Variants in PPM1B observed in about 807,000 individuals in gnomAD.
PPM1B encodes the protein protein phosphatase, Mg2+/Mn2+ dependent 1B.
In PPM1B, 22 loss-of-function variants were observed where a neutral mutation model predicts 43.0. That is an observed-to-expected ratio of 0.51 (90% CI 0.37 to 0.73). The LOEUF (loss-of-function observed/expected upper bound fraction) is 0.73, where lower values mean the gene tolerates loss of function less well. Among genes scored for constraint, PPM1B ranks in the 30% least tolerant of loss-of-function variants. The pLI is 0.00. For synonymous variants in PPM1B, 217 were observed against 197.9 expected (o/e 1.10, Z -0.81); for missense variants, 632 against 584.2 (o/e 1.08, Z -0.84).
At chr2:44,195,726 G>A (rs888402408) in intron 1 of PPM1B, among the ~76,000 whole-genome samples, 1 of 152,206 alleles carries the variant, frequency 6.6e-6, no homozygotes, top group African/African-American at 2.4e-5. Flanking sequence ...CTTCTCCTTT[G>A]AGTGGTGGGG....
rs529514789 is a variant in PPM1B, at chr2:44,175,322, A to C, written c.-15+6048A>C. ...ACTCCAAATGTTAAGATTATATAGGAGATTTTGTTGAGCTTTGGGAGGCTT... is the reference window on the plus strand; with the variant it reads ...ACTCCAAATGTTAAGATTATATAGGCGATTTTGTTGAGCTTTGGGAGGCTT... On this transcript the variant is annotated intron_variant, in intron 1 of 5. Transcript: ENST00000282412. Among the ~76,000 whole-genome samples the C allele has an allele frequency of 2.0e-5, 3 of 152,148 alleles. No homozygotes were observed. The South Asian group carries it at 6.2e-4, about 32-fold the overall frequency.
intron 1 of PPM1B, among the ~76,000 whole-genome samples, chr2:44,190,375 T>C (rs1668353260): frequency 2.0e-5 from 3 of 152,120 alleles, no homozygotes; most frequent in Admixed American, 1.3e-4. Context: ...GCCAGGCTGG[T>C]CTCAAACTCT....
In PPM1B at chr2:44,201,434, A is replaced by G; in HGVS notation, c.235A>G (p.Ile79Val). 6 of 1,614,196 alleles carry G rather than the reference A, an allele frequency of 3.7e-6. No individual in the cohort carries two copies. Among genetic ancestry groups the G allele is most frequent in the South Asian group, 1.1e-5 (1 of 91,086 alleles). ...CTGCTCAACACATTTATTAGAACACATCACTACTAACGAAGACTTTAGGGC... is the reference window on the plus strand; with the variant it reads ...CTGCTCAACACATTTATTAGAACACGTCACTACTAACGAAGACTTTAGGGC... ...NYCSTHLLEH[I>V]TTNEDFRAAG... The change falls in exon 2 of 6, where the codon ATC becomes GTC. Residue 79 changes from isoleucine (I) to valine (V), a missense_variant. Around this residue, in one of 3 missense-constraint regions of PPM1B, gnomAD observed 200 missense variants for 200.7 expected, o/e 1.00. Transcript: ENST00000282412. The surrounding 1 kb of genome is among the most constrained non-coding windows in gnomAD (Gnocchi z 5.4).
At chr2:44,219,671 C>T (rs1431727664) in intron 5 of PPM1B, among the ~76,000 whole-genome samples, 1 of 152,022 alleles carries the variant, frequency 6.6e-6, no homozygotes, top group Non-Finnish European at 1.5e-5. Context: ...AGGCCGGGCA[C>T]GGTGGCTCAT....
At chr2:44,188,311 A>C (rs934155951) in intron 1 of PPM1B, among the ~76,000 whole-genome samples, 1 of 151,842 alleles carries the variant, frequency 6.6e-6, no homozygotes, top group African/African-American at 2.4e-5. Flanking sequence ...TAAAAGAAGA[A>C]GTCTTCTTTG....
At chr2:44,234,555 A>G (rs1272067117), downstream of PPM1B, 2 of 970,694 alleles carry the variant, frequency 2.1e-6, no homozygotes, top group East Asian at 1.1e-4. Context: ...CTTTTCCGGC[A>G]GGGGGCAGGG....
intron 1 of PPM1B, among the ~76,000 whole-genome samples, chr2:44,191,412 C>T (rs1668397454): frequency 6.6e-6 from 1 of 152,086 alleles, no homozygotes; most frequent in African/African-American, 2.4e-5. Flanking sequence ...GATGGGGTTT[C>T]ACCATGTTGG....
intron 1 of PPM1B, among the ~76,000 whole-genome samples, chr2:44,198,980 C>T (rs750780022): frequency 3.9e-5 from 6 of 152,058 alleles, no homozygotes; most frequent in Non-Finnish European, 7.4e-5. Context: ...TGGTCATGGC[C>T]GGGCGTGGTG....
At chr2:44,202,254 GA>G (rs1668974504) in intron 2 of PPM1B, among the ~76,000 whole-genome samples, 3 of 152,150 alleles carry the variant, frequency 2.0e-5, no homozygotes, top group Admixed American at 2.0e-4. Context: ...TGATAAATTT[GA>G]GGCATTTGTT....
At chr2:44,233,397 A>T, downstream of PPM1B, 1 of 982,596 alleles carries the variant, frequency 1.0e-6, no homozygotes, top group Non-Finnish European at 1.2e-6. Context: ...TTGAAGATTT[A>T]TTAGTTTAAT....
chr2:44,179,073 T>C (rs78284645), intron 1 of PPM1B, among the ~76,000 whole-genome samples: 3,034 of 152,240 alleles, frequency 0.02, 98 homozygotes, highest in African/African-American at 0.068. Flanking sequence ...GGACAGGTCT[T>C]TCCTGTGCTG....
At chr2:44,207,671 G>A (rs1669251426) in intron 2 of PPM1B, among the ~76,000 whole-genome samples, 1 of 151,654 alleles carries the variant, frequency 6.6e-6, no homozygotes, top group Non-Finnish European at 1.5e-5. Flanking sequence ...CACTTCCCAG[G>A]CTTAAGCGAT....
intron 1 of PPM1B, among the ~76,000 whole-genome samples, chr2:44,199,566 A>T (rs970831292): frequency 1.3e-4 from 20 of 152,186 alleles, no homozygotes; most frequent in African/African-American, 4.8e-4. Flanking sequence ...TGCCTTTCAG[A>T]TGAAATAGCC....
At chr2:44,202,343 A>G (rs1381341558) in intron 2 of PPM1B, among the ~76,000 whole-genome samples, 1 of 152,172 alleles carries the variant, frequency 6.6e-6, no homozygotes, top group Non-Finnish European at 1.5e-5. Flanking sequence ...ATTGGCAGTA[A>G]CCATCTTATG....
At chr2:44,214,082 G>A (rs573920601) in intron 3 of PPM1B, among the ~76,000 whole-genome samples, 1 of 152,216 alleles carries the variant, frequency 6.6e-6, no homozygotes, top group East Asian at 1.9e-4. Context: ...ACCAACCATA[G>A]AGTTTTTTGT....
rs144654341 is a variant in PPM1B, at chr2:44,192,342, C to T, written c.-14-8844C>T. Among the ~76,000 whole-genome samples the T allele has an allele frequency of 3.6e-3, 551 of 152,020 alleles. 3 individuals are homozygous for T. Among genetic ancestry groups the T allele is most frequent in the African/African-American group, 0.013 (529 of 41,462 alleles). ...AAGCGATTTTCCTGTCTCAGCCTCC[C>T]GAGTAGCTGGGATTACAGCCCACAA... is the stretch of plus-strand genomic sequence containing the variant. On this transcript the variant is annotated intron_variant, in intron 1 of 5. Transcript: ENST00000282412.
At chr2:44,218,410 A>G in intron 4 of PPM1B, 70 bp from the exon 5 acceptor site, 1 of 1,179,086 alleles carries the variant, frequency 8.5e-7, no homozygotes, top group Non-Finnish European at 1.2e-6. Context: ...TCAGGATGAA[A>G]TATTGAGATA....
rs559195761 is a variant in PPM1B at position 44,229,272 on chromosome 2, A to G, written c.1135-1141A>G. ...AATTCATTTTTTTAAATTTATTTTT[A>G]ATTTTTGTGGGTACACTGTAGGTGT... On this transcript the variant is annotated intron_variant, in intron 5 of 5. Coordinates refer to ENST00000282412, the MANE Select transcript of PPM1B (RefSeq NM_002706.6). Among the ~76,000 whole-genome samples the G allele has an allele frequency of 2.6e-5, 4 of 152,200 alleles. No individual in the cohort carries two copies. The East Asian group carries it at 7.7e-4, about 29-fold the overall frequency.
At chr2:44,203,664 T>C (rs969659136) in intron 2 of PPM1B, among the ~76,000 whole-genome samples, 1 of 152,176 alleles carries the variant, frequency 6.6e-6, no homozygotes, top group Non-Finnish European at 1.5e-5. Context: ...TACTTGTTAT[T>C]CTACAGCCTG....
Sources: allele counts gnomAD v4.1 joint callset (sites outside exome capture counted in the v4.1 genomes callset), GRCh38; gene constraint gnomAD v4.1.1; regional missense constraint gnomAD v4.1.1; non-coding constraint Gnocchi (gnomAD v3.1); transcripts MANE v1.5; gene names NCBI Gene and HGNC (gene_info 2026-07-23, HGNC 2026-07-21).